EIF2AK2: variants seen among roughly 807,000 people sequenced by gnomAD.
EIF2AK2 encodes interferon-induced, double-stranded RNA-activated protein kinase.
A neutral mutation model predicts 70.5 loss-of-function variants in EIF2AK2; 40 were observed. That is an observed-to-expected ratio of 0.57 (90% CI 0.44 to 0.74). The LOEUF is 0.74. Ranked by LOEUF, EIF2AK2 falls within the 30% of genes least tolerant of loss-of-function variation. EIF2AK2 has a pLI of 0.00. For synonymous variants in EIF2AK2, 198 were observed against 220.9 expected, an observed-to-expected ratio of 0.90 and a Z score of 0.92; for missense variants, 555 against 644.3, an observed-to-expected ratio of 0.86 and a Z score of 1.50.
At chr2:37,118,303 G>C (rs1674417030) in intron 13 of EIF2AK2, among the ~76,000 whole-genome samples, 1 of 152,028 alleles carries the variant, frequency 6.6e-6, no homozygotes, top group South Asian at 2.1e-4. Flanking sequence ...AAAAGAGCAA[G>C]ACCTTGTCTC....
chr2:37,122,499 T>C lies in EIF2AK2; in HGVS notation c.1067+7A>G, dbSNP rs781614965. 25 of 1,611,930 alleles carry C rather than the reference T, an allele frequency of 1.6e-5. No homozygotes were observed. The South Asian group carries it at 2.8e-4, about 18-fold the overall frequency. On this transcript the variant is annotated splice_region_variant and intron_variant, in intron 12 of 16. Coordinates refer to ENST00000233057, the MANE Select transcript of EIF2AK2 (RefSeq NM_001135651.3). ...TATTATGGCTATGAGAATTTATTTT[T>C]AGTTACCTTGAACTATTTTTGCTGT...
intron 1 of EIF2AK2, among the ~76,000 whole-genome samples, chr2:37,152,357 C>T (rs1463695533): frequency 6.6e-6 from 1 of 152,156 alleles, no homozygotes; most frequent in East Asian, 1.9e-4. Context: ...TCTCAGCTCA[C>T]TGCAGCATCT....
intron 5 of EIF2AK2, among the ~76,000 whole-genome samples, chr2:37,140,970 T>A (rs937137299): frequency 6.6e-6 from 1 of 152,206 alleles, no homozygotes; most frequent in Non-Finnish European, 1.5e-5. Flanking sequence ...CCATTCTTTA[T>A]CCTATTTCCA....
At chr2:37,153,846 G>A (rs1182880315) in intron 1 of EIF2AK2, among the ~76,000 whole-genome samples, 4 of 152,060 alleles carry the variant, frequency 2.6e-5, no homozygotes, top group Non-Finnish European at 5.9e-5. Flanking sequence ...GTATATAAGT[G>A]GAATTGAATC....
intron 11 of EIF2AK2, among the ~76,000 whole-genome samples, chr2:37,122,930 G>A (rs1674606618): frequency 6.6e-6 from 1 of 152,164 alleles, no homozygotes; most frequent in African/African-American, 2.4e-5. Flanking sequence ...CACTTTGGGA[G>A]GCGAAGGTGG....
At chr2:37,120,189 A>T (rs113575241) in intron 12 of EIF2AK2, 50 bp from the exon 13 acceptor site, 1 of 1,163,324 alleles carries the variant, frequency 8.6e-7, no homozygotes, top group South Asian at 3.6e-5. Flanking sequence ...ATATAAATTT[A>T]TAAAAAATTT....
intron 12 of EIF2AK2, among the ~76,000 whole-genome samples, chr2:37,121,129 G>C (rs1419275320): frequency 3.4e-5 from 5 of 149,162 alleles, no homozygotes; most frequent in African/African-American, 7.3e-5. Context: ...CGGGCGTGGT[G>C]GCGGGCGCCT....
chr2:37,140,829 G>A (rs1573030883), intron 5 of EIF2AK2, among the ~76,000 whole-genome samples: 1 of 152,160 alleles, frequency 6.6e-6, no homozygotes, highest in Non-Finnish European at 1.5e-5. Context: ...TCATAGAAGT[G>A]TATCCTAAAG....
chr2:37,101,700 C>T lies in EIF2AK2; in HGVS notation c.*5573G>A, dbSNP rs1231034547. 3.9e-5 allele frequency: 6 copies of T among 152,100 alleles called. No individual in the cohort carries two copies. The highest frequency in any genetic ancestry group is 2.6e-4 in the Admixed American group (4 of 15,274). 9.4% of individuals were successfully genotyped at this position (152,100 alleles called of 1,614,324 possible). A position where few individuals can be genotyped will look rare whatever the true frequency, so the allele number is the denominator to read the frequency against. ...CAGGACAAATAAAAGCCGAAAAGAACTAAAACGCAGGGGTAAATTTTACAG... is the reference window on the plus strand; with the variant it reads ...CAGGACAAATAAAAGCCGAAAAGAATTAAAACGCAGGGGTAAATTTTACAG... On this transcript the variant is annotated 3_prime_UTR_variant, in exon 17 of 17. Coordinates refer to ENST00000233057, the MANE Select transcript of EIF2AK2 (RefSeq NM_001135651.3).
intron 1 of EIF2AK2, among the ~76,000 whole-genome samples, chr2:37,151,844 C>T (rs1183223000): frequency 6.6e-6 from 1 of 152,326 alleles, no homozygotes; most frequent in South Asian, 2.1e-4. Flanking sequence ...TCTGGGAGGC[C>T]GAGGCGGGCG....
intron 4 of EIF2AK2, among the ~76,000 whole-genome samples, chr2:37,143,769 A>C (rs2148707811): frequency 6.6e-6 from 1 of 152,118 alleles, no homozygotes; most frequent in Non-Finnish European, 1.5e-5. Flanking sequence ...CTGTAGTCCC[A>C]GCCAGTTGGG....
At chr2:37,155,210 T>C (rs988067804) in intron 1 of EIF2AK2, among the ~76,000 whole-genome samples, 1 of 152,202 alleles carries the variant, frequency 6.6e-6, no homozygotes. Context: ...TGTCTTGGCC[T>C]GGTCAATTTC....
intron 5 of EIF2AK2, among the ~76,000 whole-genome samples, chr2:37,140,121 G>C (rs1168717812): frequency 6.6e-6 from 1 of 152,060 alleles, no homozygotes. Flanking sequence ...TTTCAGAGGT[G>C]CTCAAATGGG....
intron 14 of EIF2AK2, among the ~76,000 whole-genome samples, chr2:37,111,878 A>ATATAT (rs1238994487): frequency 2.9e-5 from 2 of 69,128 alleles, no homozygotes; most frequent in African/African-American, 1.2e-4. Context: ...AAAAAAAAAA[A>ATATAT]ATATATATAT....
chr2:37,116,003 TCTC>T (rs1674328036), intron 13 of EIF2AK2, among the ~76,000 whole-genome samples: 1 of 151,946 alleles, frequency 6.6e-6, no homozygotes, highest in Non-Finnish European at 1.5e-5. Flanking sequence ...TTCAAGCAAT[TCTC>T]CTGCCTCAGC....
At chr2:37,153,487 G>A (rs961117675) in intron 1 of EIF2AK2, among the ~76,000 whole-genome samples, 24 of 151,760 alleles carry the variant, frequency 1.6e-4, no homozygotes, top group Non-Finnish European at 3.4e-4. Context: ...CCATAGGCGT[G>A]GGCATGCCTG....
intron 10 of EIF2AK2, among the ~76,000 whole-genome samples, chr2:37,135,020 A>C (rs1035527481): frequency 6.6e-6 from 1 of 152,206 alleles, no homozygotes; most frequent in East Asian, 1.9e-4. Flanking sequence ...CTTTCCACAG[A>C]ATTACAGGGT....
At chr2:37,110,137 C>G (rs1332134673) in intron 14 of EIF2AK2, among the ~76,000 whole-genome samples, 1 of 151,478 alleles carries the variant, frequency 6.6e-6, no homozygotes, top group Non-Finnish European at 1.5e-5. Flanking sequence ...GTGGCGTGGT[C>G]TCGGCTCACA....
chr2:37,115,392 G>A (rs2148670290), intron 13 of EIF2AK2, among the ~76,000 whole-genome samples: 1 of 152,000 alleles, frequency 6.6e-6, no homozygotes, highest in South Asian at 2.1e-4. Flanking sequence ...TGACACCAGA[G>A]GTGGCTCTGG....
Sources: gnomAD v4.1 joint callset for allele counts (sites outside exome capture counted in the v4.1 genomes callset) on GRCh38, gnomAD v4.1.1 for gene constraint, MANE v1.5 for transcripts, NCBI Gene and HGNC (gene_info 2026-07-23, HGNC 2026-07-21) for gene names.